FNBP1: variants seen among roughly 807,000 people sequenced by gnomAD.
FNBP1 encodes formin binding protein 1.
In FNBP1, 26 loss-of-function variants were observed where a neutral mutation model predicts 90.6. That is an observed-to-expected ratio of 0.29 (90% confidence interval 0.21 to 0.40). The LOEUF (loss-of-function observed/expected upper bound fraction) is 0.40, where lower values mean the gene tolerates loss of function less well. Among genes scored for constraint, FNBP1 ranks in the 10% least tolerant of loss-of-function variants. The pLI is 1.00. For missense variants in FNBP1, 635 were observed against 768.0 expected, an observed-to-expected ratio of 0.83 and a Z score of 2.05; for synonymous variants, 260 against 265.2, an observed-to-expected ratio of 0.98 and a Z score of 0.19.
intron 1 of FNBP1, among the ~76,000 whole-genome samples, chr9:130,034,129 G>A (rs1362575280): frequency 6.6e-6 from 1 of 151,642 alleles, no homozygotes. Context: ...AGACCATCCT[G>A]GCTAACACTG....
intron 2 of FNBP1, among the ~76,000 whole-genome samples, chr9:129,992,549 CT>C (rs11455680): frequency 0.093 from 8,528 of 92,134 alleles, 122 homozygotes; most frequent in Admixed American, 0.14. Context: ...ACACATAGCT[CT>C]TTTTTTTTTT....
At chr9:130,048,490 C>CTTTTTTT in the FNBP1 span, among the ~76,000 whole-genome samples, 1 of 52,346 alleles carries the variant, frequency 1.9e-5, no homozygotes. Flanking sequence ...GCCTCAGTTT[C>CTTTTTTT]CTTTTTTTTT....
chr9:129,911,940 A>AAC (rs1302133565), intron 11 of FNBP1, among the ~76,000 whole-genome samples: 1 of 151,620 alleles, frequency 6.6e-6, no homozygotes, highest in Non-Finnish European at 1.5e-5. Flanking sequence ...CAAAAAAAAA[A>AAC]AAAAAAACCC....
intron 10 of FNBP1, among the ~76,000 whole-genome samples, chr9:129,923,022 A>G (rs1161564158): frequency 2.0e-5 from 3 of 150,706 alleles, no homozygotes; most frequent in African/African-American, 2.4e-5. Context: ...CGCTTGTCCT[A>G]TTAATTTTTA....
intron 6 of FNBP1, among the ~76,000 whole-genome samples, chr9:129,948,356 CTTTTTTTTTTT>C (rs71385491): frequency 1.6e-5 from 1 of 64,480 alleles, no homozygotes; most frequent in South Asian, 8.1e-4. Flanking sequence ...ATTTTGGTGT[CTTTTTTTTTTT>C]TTTTTTTTTT....
intron 6 of FNBP1, among the ~76,000 whole-genome samples, chr9:129,953,351 C>A (rs983099707): frequency 6.6e-6 from 1 of 151,846 alleles, no homozygotes; most frequent in Non-Finnish European, 1.5e-5. Flanking sequence ...ATTATCCGGG[C>A]GTGGTGGTAC....
rs1466936141 is a variant in FNBP1, at chr9:130,042,935, C to A, written c.24+17G>T. The A allele has an allele frequency of 8.1e-7, 1 of 1,230,436 alleles. No homozygotes were observed. Among genetic ancestry groups the A allele is most frequent in the South Asian group, 3.8e-5 (1 of 26,350 alleles). The allele number at this position is 1,230,436 out of a possible 1,614,324, so 76.2% of individuals were successfully genotyped here. On this transcript the variant is annotated intron_variant, in intron 1 of 16. Coordinates refer to ENST00000446176, the MANE Select transcript of FNBP1 (RefSeq NM_015033.3). The surrounding 1 kb of genome is among the most constrained non-coding windows in gnomAD (Gnocchi z 5.5). ...CGCGCGCCCCGCATCTGCCCGCGGGCCCAGCCCCTCACTCACCCAGAGCTC... is the reference window on the plus strand; with the variant it reads ...CGCGCGCCCCGCATCTGCCCGCGGGACCAGCCCCTCACTCACCCAGAGCTC...
intron 1 of FNBP1, among the ~76,000 whole-genome samples, chr9:129,998,144 C>T (rs1002239259): frequency 1.4e-5 from 2 of 142,050 alleles, no homozygotes; most frequent in Admixed American, 7.5e-5. Flanking sequence ...TGCAGTGAGC[C>T]GAGATTGTAC....
the FNBP1 span, among the ~76,000 whole-genome samples, chr9:130,049,350 C>T: frequency 6.6e-6 from 1 of 152,170 alleles, no homozygotes. Flanking sequence ...GATCATGCCA[C>T]TGCACTCCTG....
At chr9:129,920,390 C>G (rs1452612990) in intron 10 of FNBP1, among the ~76,000 whole-genome samples, 1 of 152,102 alleles carries the variant, frequency 6.6e-6, no homozygotes, top group Non-Finnish European at 1.5e-5. Flanking sequence ...CAACCTCTGC[C>G]TCCTGGGTTC....
chr9:129,995,209 G>C (rs975022987), intron 1 of FNBP1, among the ~76,000 whole-genome samples: 4 of 152,046 alleles, frequency 2.6e-5, no homozygotes, highest in African/African-American at 7.2e-5. Context: ...ATAGTTTTCA[G>C]ATATAACTGA....
intron 6 of FNBP1, among the ~76,000 whole-genome samples, chr9:129,951,099 G>A (rs1451942737): frequency 6.6e-6 from 1 of 151,346 alleles, no homozygotes; most frequent in Non-Finnish European, 1.5e-5. Context: ...TGGGATTACA[G>A]GCACATGCTA....
At chr9:129,940,199 C>G (rs899742460) in intron 6 of FNBP1, among the ~76,000 whole-genome samples, 1 of 151,818 alleles carries the variant, frequency 6.6e-6, no homozygotes, top group African/African-American at 2.4e-5. Context: ...AGAATAAGAC[C>G]CTCTCTCAAA....
intron 6 of FNBP1, among the ~76,000 whole-genome samples, chr9:129,944,798 G>C (rs545261366): frequency 6.6e-6 from 1 of 152,286 alleles, no homozygotes; most frequent in South Asian, 2.1e-4. Flanking sequence ...CCATTTGTAA[G>C]CGACAGAAAC....
At chr9:130,032,352 G>C (rs2058879709) in intron 1 of FNBP1, among the ~76,000 whole-genome samples, 2 of 151,856 alleles carry the variant, frequency 1.3e-5, no homozygotes, top group African/African-American at 4.8e-5. Flanking sequence ...TTAATTTTTA[G>C]TAGAGATGGG....
At chr9:129,965,125 C>T (rs908539607) in intron 4 of FNBP1, among the ~76,000 whole-genome samples, 3 of 152,196 alleles carry the variant, frequency 2.0e-5, no homozygotes, top group Non-Finnish European at 4.4e-5. Context: ...AGCTAGAACT[C>T]TAAGCGGCGT....
chr9:130,046,821 A>G (rs192565027), upstream of FNBP1, among the ~76,000 whole-genome samples: 60 of 150,148 alleles, frequency 4.0e-4, no homozygotes, highest in Admixed American at 1.5e-3. Flanking sequence ...GCATGCCCAG[A>G]GAGGGCACAG....
chr9:130,027,073 G>T (rs2058415605), intron 1 of FNBP1, among the ~76,000 whole-genome samples: 1 of 152,054 alleles, frequency 6.6e-6, no homozygotes, highest in Admixed American at 6.6e-5. Context: ...ATGAAATTTG[G>T]GGGGGAAATG....
At chr9:129,909,181 G>A (rs2038754262) in intron 11 of FNBP1, 182 bp from the exon 12 acceptor site, 2 of 638,152 alleles carry the variant, frequency 3.1e-6, no homozygotes, top group Non-Finnish European at 5.6e-6. Flanking sequence ...AACTGCATAA[G>A]TCCCATAAAC....
Sources: gnomAD v4.1 joint callset for allele counts (sites outside exome capture counted in the v4.1 genomes callset) on GRCh38, gnomAD v4.1.1 for gene constraint, Gnocchi (gnomAD v3.1) non-coding constraint, MANE v1.5 for transcripts, NCBI Gene and HGNC (gene_info 2026-07-23, HGNC 2026-07-21) for gene names.